CDH22: variants seen among roughly 807,000 people sequenced by gnomAD.
The protein encoded by CDH22 is cadherin-22.
CDH22 carries 30 observed loss-of-function variants against 58.4 expected under a neutral mutation model. The observed-to-expected ratio is 0.51, with a 90% confidence interval of 0.38 to 0.70. CDH22 has a LOEUF of 0.70. Ranked by LOEUF, CDH22 falls within the 30% of genes least tolerant of loss-of-function variation. CDH22 has a pLI of 0.00. For synonymous variants in CDH22, 513 were observed against 558.2 expected, an observed-to-expected ratio of 0.92 and a Z score of 1.14; for missense variants, 1,014 against 1,233.9, an observed-to-expected ratio of 0.82 and a Z score of 2.67.
intron 3 of CDH22, among the ~76,000 whole-genome samples, chr20:46,231,728 G>A (rs1328893224): frequency 5.3e-5 from 8 of 152,156 alleles, no homozygotes; most frequent in East Asian, 1.9e-4. Context: ...ATGAGAAGTC[G>A]GACACTCTTC....
intron 1 of CDH22, among the ~76,000 whole-genome samples, chr20:46,265,437 C>T (rs970538126): frequency 6.6e-6 from 1 of 152,112 alleles, no homozygotes; most frequent in African/African-American, 2.4e-5. Context: ...CCCATGAATC[C>T]ACACTTTGAG....
intron 3 of CDH22, among the ~76,000 whole-genome samples, chr20:46,230,164 C>A (rs2086210030): frequency 6.6e-6 from 1 of 152,132 alleles, no homozygotes; most frequent in African/African-American, 2.4e-5. Context: ...AGGCTTGTAG[C>A]TACTGTGGGA....
At chr20:46,178,277 G>A (rs1174524373) in intron 10 of CDH22, 80 bp from the exon 11 acceptor site, 38 of 1,503,468 alleles carry the variant, frequency 2.5e-5, no homozygotes, top group South Asian at 5.0e-5. Flanking sequence ...TGATTGCATC[G>A]TGAGATTTGC....
At chr20:46,280,399 G>T (rs1330288052) in intron 1 of CDH22, among the ~76,000 whole-genome samples, 1 of 152,180 alleles carries the variant, frequency 6.6e-6, no homozygotes, top group Non-Finnish European at 1.5e-5. Context: ...CAGCCTGGGC[G>T]ACAGAGTGAG....
At chr20:46,194,047 C>A (rs1232705237) in intron 8 of CDH22, among the ~76,000 whole-genome samples, 4 of 152,106 alleles carry the variant, frequency 2.6e-5, no homozygotes, top group Non-Finnish European at 5.9e-5. Flanking sequence ...AATAGATGTC[C>A]CCTCCTCTGG....
At chr20:46,200,954 C>T (rs1035061999) in intron 7 of CDH22, among the ~76,000 whole-genome samples, 15 of 152,302 alleles carry the variant, frequency 9.8e-5, no homozygotes, top group Admixed American at 9.8e-4. Flanking sequence ...CTCCCGCCTG[C>T]GCAGCACGCG....
intron 1 of CDH22, among the ~76,000 whole-genome samples, chr20:46,254,374 G>A (rs958933463): frequency 6.6e-6 from 1 of 151,906 alleles, no homozygotes; most frequent in Admixed American, 6.6e-5. Flanking sequence ...GGTAAACATA[G>A]TGAAACCCCA....
At chr20:46,283,189 C>G (rs1160646120) in intron 1 of CDH22, among the ~76,000 whole-genome samples, 1 of 152,206 alleles carries the variant, frequency 6.6e-6, no homozygotes, top group Non-Finnish European at 1.5e-5. Context: ...TCTGGTCACA[C>G]AAGTGGTGCA....
intron 1 of CDH22, among the ~76,000 whole-genome samples, chr20:46,282,224 G>A (rs1485672331): frequency 6.6e-6 from 1 of 152,212 alleles, no homozygotes; most frequent in Non-Finnish European, 1.5e-5. Context: ...AAGATCCAGA[G>A]ACAGAAATGA....
chr20:46,279,146 T>G (rs930702849), intron 1 of CDH22, among the ~76,000 whole-genome samples: 2 of 152,220 alleles, frequency 1.3e-5, no homozygotes, highest in African/African-American at 4.8e-5. Flanking sequence ...GTGGTTTTAC[T>G]GCAAGGGCTG....
At chr20:46,188,476 G>C (rs562576324) in intron 8 of CDH22, among the ~76,000 whole-genome samples, 1 of 151,862 alleles carries the variant, frequency 6.6e-6, no homozygotes, top group African/African-American at 2.4e-5. Context: ...CAAGGACTTC[G>C]CCAAGGTCTG....
At chr20:46,191,166 G>T (rs1313044713) in intron 8 of CDH22, among the ~76,000 whole-genome samples, 1 of 152,144 alleles carries the variant, frequency 6.6e-6, no homozygotes, top group Non-Finnish European at 1.5e-5. Context: ...AGGGGGTCTT[G>T]CCTGGTGGGA....
chr20:46,199,417 G>A lies in CDH22; in HGVS notation c.1423+6C>T. 6.2e-7 allele frequency: 1 copy of A among 1,606,868 alleles called. No homozygotes were observed. The highest frequency in any genetic ancestry group is 8.5e-7 in the Non-Finnish European group (1 of 1,178,946). On this transcript the variant is annotated splice_donor_region_variant and intron_variant, in intron 8 of 11. Coordinates refer to ENST00000537909, the MANE Select transcript of CDH22 (RefSeq NM_021248.3). ...GCCCTTGGAGGGGGCGTGGCGCCCA[G>A]CTCACCCGCCTCCATGGCCAGCACT... is the stretch of plus-strand genomic sequence containing the variant.
In CDH22 at chr20:46,308,173, G is replaced by A. The variant is rs1320197311; in HGVS notation, c.-400+82C>T. 2.7e-5 allele frequency: 4 copies of A among 149,704 alleles called. No homozygotes were observed. The highest frequency in any genetic ancestry group is 9.8e-5 in the African/African-American group (4 of 40,898). The allele number at this position is 149,704 out of a possible 1,614,324, so 9.3% of individuals were successfully genotyped here. A position where few individuals can be genotyped will look rare whatever the true frequency, so the allele number is the denominator to read the frequency against. Reference sequence around the variant, plus strand: ...CGCCGCCTGCCCGGCCGCTCCCGCCGGCCAGGGGGCTCCCTCCCTGCCGGG... The same window carrying A: ...CGCCGCCTGCCCGGCCGCTCCCGCCAGCCAGGGGGCTCCCTCCCTGCCGGG... On this transcript the variant is annotated intron_variant, in intron 1 of 11. Coordinates refer to ENST00000537909, the MANE Select transcript of CDH22 (RefSeq NM_021248.3). This position sits in a 1 kb window ranked among gnomAD's most constrained non-coding sequence, Gnocchi z 4.3.
At chr20:46,178,375 T>A (rs1468203381) in intron 10 of CDH22, among the ~76,000 whole-genome samples, 178 bp from the exon 11 acceptor site, 1 of 152,024 alleles carries the variant, frequency 6.6e-6, no homozygotes, top group Non-Finnish European at 1.5e-5. Flanking sequence ...TGCCTCCAAA[T>A]TCTGCCCCAT....
intron 1 of CDH22, among the ~76,000 whole-genome samples, chr20:46,268,007 C>G (rs2145754589): frequency 1.3e-5 from 2 of 152,396 alleles, no homozygotes; most frequent in Middle Eastern, 6.8e-3. Flanking sequence ...AGCTGGGATG[C>G]TCCAAATCGA....
chr20:46,198,395 C>T lies in CDH22; in HGVS notation c.1423+1028G>A, dbSNP rs556320669. ...ATCCTTGACCCTTCTCCATCTCTCCCCGGGACATCAGCCCATGAGCAGATT... is the reference window on the plus strand; with the variant it reads ...ATCCTTGACCCTTCTCCATCTCTCCTCGGGACATCAGCCCATGAGCAGATT... On this transcript the variant is annotated intron_variant, in intron 8 of 11. Transcript: ENST00000537909. Among the ~76,000 whole-genome samples, 3 of 152,168 alleles carry T rather than the reference C, an allele frequency of 2.0e-5. No homozygotes were observed. The East Asian group carries it at 5.8e-4, about 29-fold the overall frequency.
intron 8 of CDH22, among the ~76,000 whole-genome samples, chr20:46,190,088 T>G (rs2085852830): frequency 1.3e-5 from 2 of 152,174 alleles, no homozygotes; most frequent in South Asian, 4.1e-4. Context: ...TTAGTATCAT[T>G]TATAAGAATG....
chr20:46,206,456 C>T lies in CDH22; in HGVS notation c.1286+3851G>A, dbSNP rs987453238. 4.9e-4 allele frequency among the ~76,000 whole-genome samples: 75 copies of T among 152,338 alleles called. 1 individual carries two copies. The highest frequency in any genetic ancestry group is 1.8e-3 in the African/African-American group (73 of 41,578). On this transcript the variant is annotated intron_variant, in intron 7 of 11. Transcript: ENST00000537909. ...TCTGCTTTCCTATAATTTCCAGGCACTCACTGTGCCCTGCAAACCATGCTA... is the reference window on the plus strand; with the variant it reads ...TCTGCTTTCCTATAATTTCCAGGCATTCACTGTGCCCTGCAAACCATGCTA...
Sources: allele counts gnomAD v4.1 joint callset (sites outside exome capture counted in the v4.1 genomes callset), GRCh38; gene constraint gnomAD v4.1.1; non-coding constraint Gnocchi (gnomAD v3.1); transcripts MANE v1.5; gene names NCBI Gene and HGNC (gene_info 2026-07-23, HGNC 2026-07-21).